GPR158: variants seen among roughly 807,000 people sequenced by gnomAD.
GPR158 encodes the protein G protein-coupled receptor 158, also known as metabotropic glycine receptor.
A neutral mutation model predicts 78.2 loss-of-function variants in GPR158; 30 were observed. That is an observed-to-expected ratio of 0.38 (90% CI 0.29 to 0.52). The LOEUF (loss-of-function observed/expected upper bound fraction) is 0.52, where lower values mean the gene tolerates loss of function less well. Among genes scored for constraint, GPR158 ranks in the 20% least tolerant of loss-of-function variants. The pLI, the probability that GPR158 is intolerant of heterozygous loss-of-function variation, is 0.83. For missense variants in GPR158, 1,463 were observed against 1,523.5 expected (o/e 0.96, Z 0.66); for synonymous variants, 581 against 591.1 (o/e 0.98, Z 0.25).
intron 2 of GPR158, among the ~76,000 whole-genome samples, chr10:25,241,178 TTTC>T (rs1285310220): frequency 2.0e-5 from 2 of 99,624 alleles, no homozygotes; most frequent in African/African-American, 1.0e-4. Flanking sequence ...TCTTTCTTTC[TTTC>T]TTTCTTTCCT....
chr10:25,330,823 T>G (rs1253836297), intron 2 of GPR158, among the ~76,000 whole-genome samples: 6 of 152,360 alleles, frequency 3.9e-5, no homozygotes. Context: ...TGGAATGTTT[T>G]TCCTTAGTAG....
chr10:25,261,974 T>A (rs1231705435), intron 2 of GPR158, among the ~76,000 whole-genome samples: 1 of 152,128 alleles, frequency 6.6e-6, no homozygotes, highest in African/African-American at 2.4e-5. Context: ...ATACATGACA[T>A]AATTATAAAT....
intron 6 of GPR158, among the ~76,000 whole-genome samples, chr10:25,558,501 A>G (rs1588911697): frequency 6.6e-6 from 1 of 152,258 alleles, no homozygotes; most frequent in African/African-American, 2.4e-5. Flanking sequence ...TGCTCCTGCA[A>G]GCTGTTCACT....
chr10:25,338,991 C>T (rs1384098166), intron 2 of GPR158, among the ~76,000 whole-genome samples: 3 of 148,318 alleles, frequency 2.0e-5, no homozygotes, highest in Non-Finnish European at 4.5e-5. Flanking sequence ...AAATTTATTT[C>T]TAAGTTAGGT....
chr10:25,363,580 G>A (rs982116821), intron 2 of GPR158, among the ~76,000 whole-genome samples: 2 of 151,878 alleles, frequency 1.3e-5, no homozygotes, highest in Non-Finnish European at 2.9e-5. Flanking sequence ...TGGTGGCTGG[G>A]AAAGATTTTA....
At chr10:25,249,876 C>G (rs1269491202) in intron 2 of GPR158, among the ~76,000 whole-genome samples, 1 of 142,176 alleles carries the variant, frequency 7.0e-6, no homozygotes. Flanking sequence ...GGAATAGTTT[C>G]AGAAGGAATG....
chr10:25,259,366 T>C (rs1205650496), intron 2 of GPR158, among the ~76,000 whole-genome samples: 1 of 152,066 alleles, frequency 6.6e-6, no homozygotes, highest in Non-Finnish European at 1.5e-5. Context: ...CAGACAACTT[T>C]TTTGGTCTTT....
intron 2 of GPR158, among the ~76,000 whole-genome samples, chr10:25,232,801 GC>G (rs1272720843): frequency 5.3e-5 from 8 of 151,946 alleles, no homozygotes; most frequent in African/African-American, 1.7e-4. Context: ...ATTGTTTTTT[GC>G]CCCCCTCTTC....
At chr10:25,269,746 C>T (rs76424385) in intron 2 of GPR158, among the ~76,000 whole-genome samples, 47 of 152,222 alleles carry the variant, frequency 3.1e-4, no homozygotes, top group African/African-American at 1.1e-3. Context: ...AATGAGAAAA[C>T]GGAGAAACTG....
intron 5 of GPR158, among the ~76,000 whole-genome samples, chr10:25,484,797 AATGC>A (rs1441369340): frequency 9.2e-5 from 14 of 152,268 alleles, no homozygotes; most frequent in Middle Eastern, 3.4e-3. Flanking sequence ...TGAATACAAA[AATGC>A]TTCTCAAATT....
intron 1 of GPR158, among the ~76,000 whole-genome samples, chr10:25,201,572 G>A (rs1258261050): frequency 1.3e-5 from 2 of 152,072 alleles, no homozygotes; most frequent in African/African-American, 4.8e-5. Context: ...TCTTTGTCTT[G>A]TTCTCAAGGG....
At chr10:25,247,989 C>G (rs920503864) in intron 2 of GPR158, among the ~76,000 whole-genome samples, 6 of 151,498 alleles carry the variant, frequency 4.0e-5, no homozygotes, top group African/African-American at 1.5e-4. Context: ...TGTTTCCTGA[C>G]TTTTTAATGA....
chr10:25,357,948 C>G (rs1855575995), intron 2 of GPR158, among the ~76,000 whole-genome samples: 1 of 152,062 alleles, frequency 6.6e-6, no homozygotes, highest in South Asian at 2.1e-4. Flanking sequence ...GGAGGCTATA[C>G]CCTGCAAAAC....
At chr10:25,421,770 T>G (rs1324454131) in intron 4 of GPR158, among the ~76,000 whole-genome samples, 1 of 152,142 alleles carries the variant, frequency 6.6e-6, no homozygotes, top group East Asian at 1.9e-4. Flanking sequence ...AATAAAAAAT[T>G]TGGTGCTTTT....
chr10:25,443,075 T>C (rs1275893463), intron 4 of GPR158, among the ~76,000 whole-genome samples: 2 of 147,592 alleles, frequency 1.4e-5, no homozygotes, highest in Non-Finnish European at 3.0e-5. Flanking sequence ...CACCGACTTC[T>C]CTCCCCACCC....
intron 2 of GPR158, among the ~76,000 whole-genome samples, chr10:25,282,217 A>T (rs1854285439): frequency 6.6e-6 from 1 of 152,196 alleles, no homozygotes; most frequent in African/African-American, 2.4e-5. Context: ...TCATATAAAT[A>T]AATTATACAG....
chr10:25,480,855 G>A (rs1426563226), intron 5 of GPR158, among the ~76,000 whole-genome samples: 1 of 152,098 alleles, frequency 6.6e-6, no homozygotes, highest in African/African-American at 2.4e-5. Flanking sequence ...CTTTTATCCT[G>A]GTGGACAGCC....
rs140051500 is a variant in GPR158 at position 25,468,548 on chromosome 10, C to T, written c.1404+1829C>T. ...ACAAGTAAGTATCGCTTTCCTTCTTCCTTCTCCTCTACCTGAATCAGAACC... is the reference window on the plus strand; with the variant it reads ...ACAAGTAAGTATCGCTTTCCTTCTTTCTTCTCCTCTACCTGAATCAGAACC... On this transcript the variant is annotated intron_variant, in intron 5 of 10. Transcript: ENST00000376351. Among the ~76,000 whole-genome samples, 338 of 152,258 alleles carry T rather than the reference C, an allele frequency of 2.2e-3. 2 individuals are homozygous for T. Among genetic ancestry groups the T allele is most frequent in the African/African-American group, 7.6e-3 (317 of 41,546 alleles).
intron 2 of GPR158, among the ~76,000 whole-genome samples, chr10:25,353,007 T>C (rs1564430225): frequency 1.3e-5 from 2 of 152,038 alleles, no homozygotes. Flanking sequence ...TTTCTAAGAT[T>C]ATATTCTAGA....
Sources: allele counts gnomAD v4.1 joint callset (sites outside exome capture counted in the v4.1 genomes callset), GRCh38; gene constraint gnomAD v4.1.1; transcripts MANE v1.5; gene names NCBI Gene and HGNC (gene_info 2026-07-23, HGNC 2026-07-21).